Variants in GPC6 observed in about 807,000 individuals in gnomAD.
The protein encoded by GPC6 is glypican-6.
In GPC6, 14 loss-of-function variants were observed where a neutral mutation model predicts 55.2. The ratio of observed to expected loss-of-function variants is 0.25; its 90% CI spans 0.17 to 0.40. The LOEUF (loss-of-function observed/expected upper bound fraction) is 0.40, where lower values mean the gene tolerates loss of function less well. Ranked by LOEUF, GPC6 falls within the 10% of genes least tolerant of loss-of-function variation. GPC6 has a pLI of 1.00. For synonymous variants in GPC6, 278 were observed against 259.6 expected, an observed-to-expected ratio of 1.07 and a Z score of -0.68; for missense variants, 641 against 708.5, an observed-to-expected ratio of 0.90 and a Z score of 1.08.
intron 2 of GPC6, among the ~76,000 whole-genome samples, chr13:93,568,553 A>T (rs1876251539): frequency 6.6e-6 from 1 of 152,188 alleles, no homozygotes; most frequent in African/African-American, 2.4e-5. Context: ...AAGAGGGGAG[A>T]AAGTTAAAGG....
At chr13:93,877,570 A>G (rs1874663769) in intron 3 of GPC6, among the ~76,000 whole-genome samples, 1 of 152,056 alleles carries the variant, frequency 6.6e-6, no homozygotes, top group South Asian at 2.1e-4. Flanking sequence ...TTGTAGCTTC[A>G]TAAGTTAGTG....
chr13:93,908,727 C>A (rs1876804519), intron 3 of GPC6, among the ~76,000 whole-genome samples: 1 of 152,140 alleles, frequency 6.6e-6, no homozygotes, highest in South Asian at 2.1e-4. Context: ...GACTCTCAGG[C>A]TTTATTCCTC....
At chr13:93,762,795 C>G (rs1255341465) in intron 2 of GPC6, among the ~76,000 whole-genome samples, 1 of 152,182 alleles carries the variant, frequency 6.6e-6, no homozygotes, top group Non-Finnish European at 1.5e-5. Context: ...TCAATTTACT[C>G]GTTGAATGAT....
chr13:93,978,601 A>G (rs2140402051), intron 3 of GPC6, among the ~76,000 whole-genome samples: 1 of 152,242 alleles, frequency 6.6e-6, no homozygotes, highest in Admixed American at 6.5e-5. Context: ...ATACATACAT[A>G]TTGTGTTTCT....
intron 1 of GPC6, among the ~76,000 whole-genome samples, chr13:93,267,393 G>GTT (rs201195056): frequency 9.8e-4 from 144 of 147,466 alleles, no homozygotes; most frequent in Non-Finnish European, 1.3e-3. Context: ...ACAGGAGAGG[G>GTT]TTTTTTTTTT....
chr13:93,554,859 A>T (rs1194085407), intron 2 of GPC6, among the ~76,000 whole-genome samples: 3 of 152,198 alleles, frequency 2.0e-5, no homozygotes, highest in Non-Finnish European at 2.9e-5. Context: ...ATCACTCATC[A>T]CAGTTTCAGA....
chr13:94,043,270 A>G (rs1296120781), intron 4 of GPC6, among the ~76,000 whole-genome samples: 2 of 151,864 alleles, frequency 1.3e-5, no homozygotes, highest in African/African-American at 2.4e-5. Flanking sequence ...GGTCATTGCT[A>G]TGAAGCCCTG....
chr13:93,937,958 T>C (rs1011093928), intron 3 of GPC6, among the ~76,000 whole-genome samples: 1 of 152,184 alleles, frequency 6.6e-6, no homozygotes, highest in African/African-American at 2.4e-5. Context: ...CAATTTCCAA[T>C]AAACCACTTT....
intron 4 of GPC6, among the ~76,000 whole-genome samples, chr13:94,117,000 T>A (rs1391337865): frequency 1.3e-5 from 2 of 152,062 alleles, no homozygotes; most frequent in Admixed American, 1.3e-4. Flanking sequence ...AATACAGTAC[T>A]ATGTTTCTGA....
chr13:94,191,879 G>T (rs1889406862), intron 4 of GPC6, among the ~76,000 whole-genome samples: 1 of 152,120 alleles, frequency 6.6e-6, no homozygotes, highest in African/African-American at 2.4e-5. Flanking sequence ...GCAAAATGAT[G>T]CTCATATGAA....
At chr13:93,538,644 A>G (rs1035729980) in intron 1 of GPC6, among the ~76,000 whole-genome samples, 2 of 152,216 alleles carry the variant, frequency 1.3e-5, no homozygotes, top group Non-Finnish European at 2.9e-5. Context: ...CCATATTCCT[A>G]AGAAAGAAAT....
chr13:94,210,696 A>G (rs1156324043), intron 4 of GPC6, among the ~76,000 whole-genome samples: 1 of 152,230 alleles, frequency 6.6e-6, no homozygotes, highest in African/African-American at 2.4e-5. Context: ...TTAAAGTTGT[A>G]TGTTTGCATG....
intron 2 of GPC6, among the ~76,000 whole-genome samples, chr13:93,599,137 C>T (rs573878367): frequency 2.6e-5 from 4 of 152,056 alleles, no homozygotes; most frequent in South Asian, 2.1e-4. Context: ...GAAATTATAC[C>T]GAAAAGTTCC....
chr13:93,540,072 T>C (rs557567049), intron 1 of GPC6, among the ~76,000 whole-genome samples: 1 of 152,268 alleles, frequency 6.6e-6, no homozygotes, highest in South Asian at 2.1e-4. Context: ...TGGTCGATTT[T>C]TTTTGTGGTC....
intron 1 of GPC6, among the ~76,000 whole-genome samples, chr13:93,377,189 C>G (rs1874937372): frequency 6.6e-6 from 1 of 152,108 alleles, no homozygotes; most frequent in South Asian, 2.1e-4. Context: ...GTACTTCATG[C>G]TTAGGGTAAA....
intron 2 of GPC6, among the ~76,000 whole-genome samples, chr13:93,770,614 T>G (rs111265463): frequency 5.5e-4 from 84 of 152,286 alleles, no homozygotes; most frequent in African/African-American, 1.9e-3. Context: ...ACACTTCCCA[T>G]GATAGGAGAG....
chr13:93,384,650 A>G (rs1875323150), intron 1 of GPC6, among the ~76,000 whole-genome samples: 1 of 152,210 alleles, frequency 6.6e-6, no homozygotes, highest in South Asian at 2.1e-4. Flanking sequence ...GACACTGCAC[A>G]TTGTGTTCAA....
chr13:93,780,622 C>T (rs1885612169), intron 2 of GPC6, among the ~76,000 whole-genome samples: 1 of 151,794 alleles, frequency 6.6e-6, no homozygotes, highest in Non-Finnish European at 1.5e-5. Flanking sequence ...CACACACACA[C>T]ACACACACAA....
chr13:94,163,211 A>G (rs1888229134), intron 4 of GPC6, among the ~76,000 whole-genome samples: 1 of 152,122 alleles, frequency 6.6e-6, no homozygotes, highest in South Asian at 2.1e-4. Flanking sequence ...GGGAATTTTT[A>G]ATCATATGCA....
Sources: gnomAD v4.1 joint callset for allele counts (sites outside exome capture counted in the v4.1 genomes callset) on GRCh38, gnomAD v4.1.1 for gene constraint, MANE v1.5 for transcripts, NCBI Gene and HGNC (gene_info 2026-07-23, HGNC 2026-07-21) for gene names.